Variants in GLIS3 observed in about 807,000 individuals in gnomAD.
GLIS3 encodes zinc finger protein GLIS3.
GLIS3 carries 53 observed loss-of-function variants against 78.6 expected under a neutral mutation model. The ratio of observed to expected loss-of-function variants is 0.67; its 90% confidence interval spans 0.54 to 0.85. GLIS3 has a LOEUF of 0.85. Among genes scored for constraint, GLIS3 ranks in the 40% least tolerant of loss-of-function variants. GLIS3 has a pLI of 0.00. For synonymous variants in GLIS3, 684 were observed against 509.9 expected (o/e 1.34, Z -4.60); for missense variants, 1,703 against 1,231.1 (o/e 1.38, Z -5.74).
intron 2 of GLIS3, among the ~76,000 whole-genome samples, chr9:4,328,375 T>G (rs971537061): frequency 2.0e-5 from 3 of 152,096 alleles, no homozygotes; most frequent in Non-Finnish European, 2.9e-5. Flanking sequence ...CAGCAGCAGA[T>G]AGAGGTGTTC....
At chr9:4,201,086 C>G (rs73398440) in intron 2 of GLIS3, among the ~76,000 whole-genome samples, 2,915 of 152,248 alleles carry the variant, frequency 0.019, 91 homozygotes, top group African/African-American at 0.067. Context: ...AACAAAACCA[C>G]TCGATCATCT....
intron 2 of GLIS3, among the ~76,000 whole-genome samples, chr9:4,139,141 T>C (rs936877655): frequency 6.6e-6 from 1 of 152,132 alleles, no homozygotes; most frequent in Admixed American, 6.6e-5. Context: ...TAAGGAATAC[T>C]AGATTCAGAA....
chr9:4,000,427 G>C (rs934867148), intron 4 of GLIS3, among the ~76,000 whole-genome samples: 1 of 152,218 alleles, frequency 6.6e-6, no homozygotes, highest in South Asian at 2.1e-4. Flanking sequence ...GATTCTAACA[G>C]ATCAAGAATC....
At chr9:3,893,825 C>T (rs1822620715) in intron 7 of GLIS3, among the ~76,000 whole-genome samples, 1 of 152,130 alleles carries the variant, frequency 6.6e-6, no homozygotes, top group Admixed American at 6.6e-5. Context: ...GGGTAGGGCC[C>T]AGCAAACTGT....
intron 2 of GLIS3, among the ~76,000 whole-genome samples, chr9:4,251,861 A>G (rs201521367): frequency 2.0e-5 from 3 of 152,184 alleles, no homozygotes; most frequent in East Asian, 1.9e-4. Flanking sequence ...CCTTCACTTA[A>G]GAGGCTTAGT....
At chr9:4,485,969 C>T in the GLIS3 span, among the ~76,000 whole-genome samples, 2 of 152,114 alleles carry the variant, frequency 1.3e-5, no homozygotes, top group South Asian at 2.1e-4. Context: ...GAATCCACCC[C>T]CCTTGGCCTC....
chr9:3,884,107 G>A lies in GLIS3; in HGVS notation c.2129-4512C>T, dbSNP rs1821913884. 4.6e-5 allele frequency among the ~76,000 whole-genome samples: 7 copies of A among 152,302 alleles called. No individual in the cohort carries two copies. In the South Asian group the frequency reaches 1.5e-3, roughly 32 times the overall value. Reference sequence around the variant, plus strand: ...CTCATAGGCTACCAGAGCATTCTAGGCTGGCACCTTTAGCTCAGGTTAATT... The same window carrying A: ...CTCATAGGCTACCAGAGCATTCTAGACTGGCACCTTTAGCTCAGGTTAATT... On this transcript the variant is annotated intron_variant, in intron 7 of 10. Coordinates refer to ENST00000381971, the MANE Select transcript of GLIS3 (RefSeq NM_001042413.2).
At chr9:4,425,135 C>T in the GLIS3 span, among the ~76,000 whole-genome samples, 2 of 152,108 alleles carry the variant, frequency 1.3e-5, no homozygotes, top group South Asian at 4.1e-4. Flanking sequence ...AGCCTGGGTC[C>T]CTGCTCATCT....
At chr9:4,334,632 G>T (rs987764312) in intron 2 of GLIS3, among the ~76,000 whole-genome samples, 2 of 152,176 alleles carry the variant, frequency 1.3e-5, no homozygotes, top group African/African-American at 4.8e-5. Flanking sequence ...CTGGCCTAGT[G>T]AGCACTGGGC....
At chr9:4,475,590 T>A in the GLIS3 span, among the ~76,000 whole-genome samples, 1 of 152,198 alleles carries the variant, frequency 6.6e-6, no homozygotes, top group Non-Finnish European at 1.5e-5. Context: ...GATTTCTTTA[T>A]AATAAACCTA....
At chr9:3,943,284 T>G (rs1472020759) in intron 4 of GLIS3, among the ~76,000 whole-genome samples, 2 of 152,218 alleles carry the variant, frequency 1.3e-5, no homozygotes, top group Admixed American at 1.3e-4. Context: ...TTTTAAAAAG[T>G]AGTTCATGAA....
At chr9:4,111,868 C>G (rs1384228756) in intron 4 of GLIS3, among the ~76,000 whole-genome samples, 3 of 152,162 alleles carry the variant, frequency 2.0e-5, no homozygotes, top group Admixed American at 2.0e-4. Flanking sequence ...GTTTCAGCCT[C>G]AAGAGACAAA....
At chr9:4,358,673 A>G in the GLIS3 span, among the ~76,000 whole-genome samples, 1 of 149,316 alleles carries the variant, frequency 6.7e-6, no homozygotes, top group African/African-American at 2.6e-5. Flanking sequence ...TGCCTTGTAC[A>G]GTAGTCTTTC....
intron 4 of GLIS3, among the ~76,000 whole-genome samples, chr9:3,984,404 T>G (rs967445562): frequency 1.3e-5 from 2 of 152,252 alleles, no homozygotes; most frequent in African/African-American, 4.8e-5. Context: ...GGGATCATTT[T>G]GGAGCTCTAA....
At chr9:3,948,901 C>A (rs971719281) in intron 4 of GLIS3, among the ~76,000 whole-genome samples, 3 of 152,030 alleles carry the variant, frequency 2.0e-5, no homozygotes, top group Non-Finnish European at 4.4e-5. Flanking sequence ...TAAATGTTAC[C>A]CATTATCATC....
intron 2 of GLIS3, among the ~76,000 whole-genome samples, chr9:4,329,088 C>T (rs904541887): frequency 2.6e-5 from 4 of 152,160 alleles, no homozygotes; most frequent in African/African-American, 7.2e-5. Flanking sequence ...AGAGAAATAG[C>T]CTAGACCTTT....
chr9:3,953,791 C>CTATATA (rs1401426160), intron 4 of GLIS3, among the ~76,000 whole-genome samples: 2 of 48,002 alleles, frequency 4.2e-5, no homozygotes, highest in African/African-American at 7.3e-5. Flanking sequence ...CTCTCTCTCT[C>CTATATA]TCTCTATATA....
chr9:4,449,439 C>A, the GLIS3 span, among the ~76,000 whole-genome samples: 59 of 152,320 alleles, frequency 3.9e-4, no homozygotes, highest in African/African-American at 1.3e-3. Context: ...ACTTAAACAT[C>A]CCTGTCTGAC....
At chr9:4,369,785 AAG>A in the GLIS3 span, among the ~76,000 whole-genome samples, 1 of 152,242 alleles carries the variant, frequency 6.6e-6, no homozygotes, top group Non-Finnish European at 1.5e-5. Context: ...TAGATCTAAA[AAG>A]AGTCTATCTA....
Sources: allele counts gnomAD v4.1 joint callset (sites outside exome capture counted in the v4.1 genomes callset), GRCh38; gene constraint gnomAD v4.1.1; transcripts MANE v1.5; gene names NCBI Gene and HGNC (gene_info 2026-07-23, HGNC 2026-07-21).